The following SEC14L6 variants were observed in gnomAD, a reference collection of about 807,000 sequenced individuals.
SEC14L6 encodes the protein SEC14-like protein 6.
Under a neutral mutation model 54.1 loss-of-function variants are expected in SEC14L6, and 40 were observed. That is an observed-to-expected ratio of 0.74 (90% CI 0.57 to 0.96). The LOEUF (loss-of-function observed/expected upper bound fraction) is 0.96. SEC14L6 is among the 40% of genes least tolerant of loss of function. The probability of loss-of-function intolerance (pLI) is 0.00; values close to 1 mark genes in which losing one functional copy is unlikely to be tolerated. For synonymous variants in SEC14L6, 171 were observed against 198.4 expected (o/e 0.86, Z 1.16); for missense variants, 471 against 498.3 (o/e 0.95, Z 0.52).
intron 8 of SEC14L6, among the ~76,000 whole-genome samples, chr22:30,527,149 C>CAT (rs1936804217): frequency 6.6e-6 from 1 of 151,256 alleles, no homozygotes. Flanking sequence ...CAAATATATA[C>CAT]ATATATATAC....
At position 30,523,956 on chromosome 22, in the gene SEC14L6, C is replaced by T. The variant is rs769354267; in HGVS notation, c.*1041G>A. ...GCAACTTGCCCACAAATGCACTTTT[C>T]GAATGCAAACCAACTGATATAAACC... is the stretch of plus-strand genomic sequence containing the variant. On this transcript the variant is annotated 3_prime_UTR_variant, in exon 12 of 12. Transcript: ENST00000402034. The T allele has an allele frequency of 6.6e-6, 1 of 152,214 alleles. No individual in the cohort carries two copies. The highest frequency in any genetic ancestry group is 1.9e-4 in the East Asian group (1 of 5,200). The allele number at this position is 152,214 out of a possible 1,614,324, so 9.4% of individuals were successfully genotyped here. A position where few individuals can be genotyped will look rare whatever the true frequency, so the allele number is the denominator to read the frequency against.
chr22:30,537,237 C>T (rs1398373744), intron 2 of SEC14L6, among the ~76,000 whole-genome samples: 1 of 152,076 alleles, frequency 6.6e-6, no homozygotes, highest in African/African-American at 2.4e-5. Flanking sequence ...GCACTAGGTC[C>T]CAACAGACAA....
At chr22:30,543,466 T>C in intron 1 of SEC14L6, 2 of 1,612,248 alleles carry the variant, frequency 1.2e-6, no homozygotes, top group Non-Finnish European at 1.7e-6. Context: ...AGAAACGGCC[T>C]CAACTCTTAC....
chr22:30,535,890 T>A (rs758151892), intron 2 of SEC14L6, among the ~76,000 whole-genome samples: 4,928 of 24,104 alleles, frequency 0.2, 152 homozygotes, highest in Middle Eastern at 0.37. Context: ...TTTTTGTGTT[T>A]TTTTTTTTTT....
At position 30,525,051 on chromosome 22, in the gene SEC14L6, G is replaced by A. The variant is rs774991546; in HGVS notation, c.1140C>T (p.Thr380=). The change falls in exon 12 of 12, where the codon ACC becomes ACT. Residue 380 remains threonine (T), a synonymous_variant. Coordinates refer to ENST00000402034, the MANE Select transcript of SEC14L6 (RefSeq NM_001193336.4). ...TTTGGTCTGGGAGCAGTACCTCCAC[G>A]GTGTAGCTGATGCGTTTAGAATGAA... The part of the protein sequence containing the change: ...SLVHSKRISY[T]VEVLLPDQTF... 21 of 1,549,972 alleles carry A rather than the reference G, an allele frequency of 1.4e-5. No individual in the cohort carries two copies. The highest frequency in any genetic ancestry group is 3.9e-5 in the Admixed American group (2 of 50,976).
intron 1 of SEC14L6, among the ~76,000 whole-genome samples, chr22:30,545,884 G>T (rs547391889): frequency 1.3e-5 from 2 of 152,016 alleles, no homozygotes; most frequent in East Asian, 3.9e-4. Context: ...AGGCTGGAGT[G>T]CAGTGGCAGA....
At chr22:30,542,058 G>C (rs1210698098) in intron 1 of SEC14L6, among the ~76,000 whole-genome samples, 1 of 152,162 alleles carries the variant, frequency 6.6e-6, no homozygotes, top group African/African-American at 2.4e-5. Context: ...AGGGCAGGCC[G>C]GTGGGCGGGG....
intron 1 of SEC14L6, among the ~76,000 whole-genome samples, chr22:30,539,352 G>C (rs2085656491): frequency 6.6e-6 from 1 of 152,186 alleles, no homozygotes; most frequent in Non-Finnish European, 1.5e-5. Flanking sequence ...ACTCCAGCCT[G>C]GGGGACAAGA....
intron 6 of SEC14L6, among the ~76,000 whole-genome samples, chr22:30,530,214 A>G (rs1328142685): frequency 6.6e-6 from 1 of 152,126 alleles, no homozygotes; most frequent in African/African-American, 2.4e-5. Context: ...GTTCGAGACC[A>G]GGCAGGGCAA....
At position 30,532,633 on chromosome 22, in the gene SEC14L6, G is replaced by C. The variant is rs137955219; in HGVS notation, c.315C>G (p.Ser105Arg). 4.8e-3 allele frequency: 7,521 copies of C among 1,550,724 alleles called. 87 individuals are homozygous for C. Among genetic ancestry groups the C allele is most frequent in the Middle Eastern group, 8.2e-3 (49 of 5,994 alleles). Residue 105 changes from serine to arginine, a missense_variant, in exon 5 of 12, where the codon AGC (serine) becomes AGG (arginine). Ser to Arg is a moderately radical substitution (Grantham distance 110). Coordinates refer to ENST00000402034, the MANE Select transcript of SEC14L6 (RefSeq NM_001193336.4). ...AGAGCAAGAGGCCTTTGGGGTCCAG[G>C]CTTCCCACAATGTGGTACCAGACAG... is the stretch of plus-strand genomic sequence containing the variant. ...GSPVWYHIVGSLDPKGLLLSA... is the reference protein window; with the variant it reads ...GSPVWYHIVGRLDPKGLLLSA...
chr22:30,525,949 G>A lies in SEC14L6; in HGVS notation c.665-17C>T, dbSNP rs1180319179. 3.2e-6 allele frequency: 5 copies of A among 1,581,294 alleles called. No homozygotes were observed. The African/African-American group carries it at 4.0e-5, about 13-fold the overall frequency. On this transcript the variant is annotated splice_polypyrimidine_tract_variant and intron_variant, in intron 8 of 11. Transcript: ENST00000402034. ...TCCAGTTGTCTGCATGGGAGCAAGA[G>A]AGGGACTCCAAAGGGACTCAGGAGA...
rs368479887 is a variant in SEC14L6, at chr22:30,545,561, TTTG to T, written c.54+1065_54+1067del. 3.2e-3 allele frequency among the ~76,000 whole-genome samples: 478 copies of T among 151,580 alleles called. 4 individuals are homozygous for T. The highest frequency in any genetic ancestry group is 0.011 in the African/African-American group (448 of 41,344). On this transcript the variant is annotated intron_variant, in intron 1 of 11. Transcript: ENST00000402034. ...AGGCATGGGCCACCACACCCAGCTA[TTTG>T]TTGTTGTTGTTGTTGTTTTTAGAGA...
At chr22:30,534,535 C>T (rs553653132) in intron 2 of SEC14L6, among the ~76,000 whole-genome samples, 73 of 151,816 alleles carry the variant, frequency 4.8e-4, no homozygotes, top group Non-Finnish European at 6.8e-4. Context: ...CCTCAGTCTC[C>T]TGAGTAGCTG....
At chr22:30,546,069 T>C (rs2085794910) in intron 1 of SEC14L6, among the ~76,000 whole-genome samples, 1 of 151,672 alleles carries the variant, frequency 6.6e-6, no homozygotes, top group Admixed American at 6.6e-5. Flanking sequence ...TCTTTTTAGT[T>C]CTTTAATGGA....
chr22:30,536,127 G>C (rs1010305198), intron 2 of SEC14L6, among the ~76,000 whole-genome samples: 1 of 152,100 alleles, frequency 6.6e-6, no homozygotes, highest in Admixed American at 6.6e-5. Context: ...CTCCAAAAGT[G>C]TTGGGATTAC....
At chr22:30,530,791 G>T (rs752718263) in intron 6 of SEC14L6, among the ~76,000 whole-genome samples, 1 of 152,342 alleles carries the variant, frequency 6.6e-6, no homozygotes, top group Admixed American at 6.5e-5. Flanking sequence ...TGCGGCCCAG[G>T]CCTCCCCACA....
At chr22:30,525,572 C>T in intron 10 of SEC14L6, 39 bp downstream of exon 10, 1 of 1,609,636 alleles carries the variant, frequency 6.2e-7, no homozygotes, top group Non-Finnish European at 8.5e-7. Context: ...CCAGGCCCCT[C>T]CCAGATGTGC....
chr22:30,532,476 G>C, intron 5 of SEC14L6, 49 bp downstream of exon 5: 2 of 1,494,898 alleles, frequency 1.3e-6, no homozygotes, highest in South Asian at 1.3e-5. Flanking sequence ...GGCTCAGGGG[G>C]TGAGGGTGCT....
At chr22:30,537,147 T>A (rs2085614848) in intron 2 of SEC14L6, among the ~76,000 whole-genome samples, 1 of 151,444 alleles carries the variant, frequency 6.6e-6, no homozygotes, top group Non-Finnish European at 1.5e-5. Flanking sequence ...AAGATGACCA[T>A]CAGTGATCCT....
Sources: allele counts gnomAD v4.1 joint callset (sites outside exome capture counted in the v4.1 genomes callset), GRCh38; gene constraint gnomAD v4.1.1; transcripts MANE v1.5; gene names NCBI Gene and HGNC (gene_info 2026-07-23, HGNC 2026-07-21).